The following RNLS variants were observed in gnomAD, a reference collection of about 807,000 sequenced individuals.
The protein encoded by RNLS is renalase, FAD dependent amine oxidase.
A neutral mutation model predicts 39.8 loss-of-function variants in RNLS; 39 were observed. The ratio of observed to expected loss-of-function variants is 0.98; its 90% confidence interval spans 0.76 to 1.28. The LOEUF (loss-of-function observed/expected upper bound fraction) is 1.28. Ranked by LOEUF, RNLS falls within the 50% of genes most tolerant of loss-of-function variation. RNLS has a pLI of 0.00. For missense variants in RNLS, 410 were observed against 413.3 expected (o/e 0.99, Z 0.07); for synonymous variants, 147 against 150.7 (o/e 0.98, Z 0.18).
At chr10:88,200,374 G>A in the RNLS span, among the ~76,000 whole-genome samples, 1 of 152,108 alleles carries the variant, frequency 6.6e-6, no homozygotes, top group Non-Finnish European at 1.5e-5. Flanking sequence ...AGCAGTCCTA[G>A]GAAGTAGATG....
chr10:88,233,561 C>T, the RNLS span, among the ~76,000 whole-genome samples: 15 of 152,238 alleles, frequency 9.9e-5, no homozygotes, highest in African/African-American at 3.1e-4. Flanking sequence ...ATAAACAACG[C>T]GTAATCATCT....
At chr10:88,178,348 A>C in the RNLS span, among the ~76,000 whole-genome samples, 1 of 152,030 alleles carries the variant, frequency 6.6e-6, no homozygotes, top group Non-Finnish European at 1.5e-5. Flanking sequence ...GTTCCTGGGG[A>C]GTGAGGGCGA....
chr10:88,448,352 C>T (rs1306027277), intron 4 of RNLS, among the ~76,000 whole-genome samples: 1 of 152,164 alleles, frequency 6.6e-6, no homozygotes, highest in Non-Finnish European at 1.5e-5. Flanking sequence ...TATGAACAGA[C>T]ACTTCTCAAA....
chr10:88,300,020 A>G (rs1844397407), intron 6 of RNLS, among the ~76,000 whole-genome samples: 1 of 152,238 alleles, frequency 6.6e-6, no homozygotes, highest in South Asian at 2.1e-4. Context: ...AGGTGTCATA[A>G]TTGGGAGAAA....
intron 4 of RNLS, among the ~76,000 whole-genome samples, chr10:88,487,347 C>T (rs1350147530): frequency 6.6e-6 from 1 of 150,738 alleles, no homozygotes; most frequent in Non-Finnish European, 1.5e-5. Flanking sequence ...ATAAAGTCAT[C>T]TTTGAAAAAG....
chr10:88,419,199 G>A (rs1157130519), intron 4 of RNLS, among the ~76,000 whole-genome samples: 2 of 152,200 alleles, frequency 1.3e-5, no homozygotes, highest in Non-Finnish European at 2.9e-5. Context: ...TACTATCTAA[G>A]TGCAAATGGT....
intron 4 of RNLS, among the ~76,000 whole-genome samples, chr10:88,555,206 C>T (rs1564895973): frequency 1.3e-5 from 2 of 152,026 alleles, no homozygotes; most frequent in Admixed American, 6.6e-5. Context: ...CACACTGTCT[C>T]GGTGTCCTCC....
chr10:88,449,510 CT>C (rs1390166379), intron 4 of RNLS, among the ~76,000 whole-genome samples: 1 of 152,216 alleles, frequency 6.6e-6, no homozygotes, highest in Non-Finnish European at 1.5e-5. Context: ...TAACTTTCCA[CT>C]TTCCTTAGAT....
chr10:88,269,095 T>C (rs963021589), downstream of RNLS, among the ~76,000 whole-genome samples: 13 of 152,172 alleles, frequency 8.5e-5, no homozygotes, highest in Admixed American at 3.9e-4. Flanking sequence ...ATAATAAAGA[T>C]CAGTGAAACT....
intron 5 of RNLS, among the ~76,000 whole-genome samples, chr10:88,339,348 A>C (rs1449096446): frequency 6.6e-6 from 1 of 152,228 alleles, no homozygotes; most frequent in East Asian, 1.9e-4. Flanking sequence ...TCTAGGTATC[A>C]GTCAATTTCA....
intron 4 of RNLS, among the ~76,000 whole-genome samples, chr10:88,564,526 G>C (rs1849385602): frequency 6.6e-6 from 1 of 152,144 alleles, no homozygotes; most frequent in Non-Finnish European, 1.5e-5. Flanking sequence ...TCAGGGGTTT[G>C]AGGAATTTCT....
At chr10:88,562,434 A>G (rs1849249182) in intron 4 of RNLS, among the ~76,000 whole-genome samples, 1 of 152,200 alleles carries the variant, frequency 6.6e-6, no homozygotes, top group Admixed American at 6.6e-5. Context: ...TAATTTTAGA[A>G]GGCACGCACA....
In RNLS at chr10:88,501,019, CTG is replaced by C. The variant is rs10678689; in HGVS notation, c.526+71882_526+71883del. Among the ~76,000 whole-genome samples the C allele has an allele frequency of 5.1e-3, 761 of 150,054 alleles. 7 individuals are homozygous for C. Among genetic ancestry groups the C allele is most frequent in the African/African-American group, 0.016 (660 of 40,948 alleles). Reference sequence around the variant, plus strand: ...TATATGTGTGTGTGTATATATATCTCTGTGTGTGTGTGTGTGTGTATATATGT... The same window carrying C: ...TATATGTGTGTGTGTATATATATCTCTGTGTGTGTGTGTGTGTATATATGT... On this transcript the variant is annotated intron_variant, in intron 4 of 6. Transcript: ENST00000331772.
At chr10:88,369,187 T>C (rs1224774686) in intron 4 of RNLS, among the ~76,000 whole-genome samples, 1 of 152,192 alleles carries the variant, frequency 6.6e-6, no homozygotes, top group Non-Finnish European at 1.5e-5. Flanking sequence ...AATATTTACA[T>C]GGATAATCAG....
chr10:88,440,239 A>C (rs574469582), intron 4 of RNLS, among the ~76,000 whole-genome samples: 1 of 152,282 alleles, frequency 6.6e-6, no homozygotes, highest in South Asian at 2.1e-4. Context: ...CCATGGATAC[A>C]CAGTGCTTTA....
At chr10:88,395,288 A>C (rs1380944268) in intron 4 of RNLS, among the ~76,000 whole-genome samples, 1 of 151,738 alleles carries the variant, frequency 6.6e-6, no homozygotes, top group African/African-American at 2.4e-5. Flanking sequence ...CTTACTAGAC[A>C]AAGATTTAAA....
At chr10:88,199,625 C>T in the RNLS span, among the ~76,000 whole-genome samples, 35 of 152,262 alleles carry the variant, frequency 2.3e-4, no homozygotes, top group African/African-American at 6.5e-4. Flanking sequence ...CAGTGCAGGA[C>T]GAAGACACAC....
At chr10:88,172,842 G>GTCTTTTTTTTT in the RNLS span, among the ~76,000 whole-genome samples, 1 of 43,778 alleles carries the variant, frequency 2.3e-5, no homozygotes, top group Non-Finnish European at 3.7e-5. Context: ...ATTTTGAGTT[G>GTCTTTTTTTTT]TTTTTTTTTT....
intron 4 of RNLS, among the ~76,000 whole-genome samples, chr10:88,542,935 T>C (rs1282629052): frequency 7.6e-6 from 1 of 131,222 alleles, no homozygotes; most frequent in South Asian, 2.6e-4. Flanking sequence ...TTAAAACCAT[T>C]ATTTTCCTAA....
Sources: allele counts gnomAD v4.1 joint callset (sites outside exome capture counted in the v4.1 genomes callset), GRCh38; gene constraint gnomAD v4.1.1; transcripts MANE v1.5; gene names NCBI Gene and HGNC (gene_info 2026-07-23, HGNC 2026-07-21).